Variants in DLG2 observed in about 807,000 individuals in gnomAD.
DLG2 encodes the protein discs large MAGUK scaffold protein 2, also known as disks large homolog 2.
In DLG2, 45 loss-of-function variants were observed where a neutral mutation model predicts 132.5. The ratio of observed to expected loss-of-function variants is 0.34; its 90% CI spans 0.27 to 0.44. DLG2 has a LOEUF of 0.44. DLG2 is among the 20% of genes least tolerant of loss of function. DLG2 has a pLI of 1.00. For synonymous variants in DLG2, 424 were observed against 419.6 expected, an observed-to-expected ratio of 1.01 and a Z score of -0.13; for missense variants, 1,045 against 1,196.9, an observed-to-expected ratio of 0.87 and a Z score of 1.87.
intron 4 of DLG2, among the ~76,000 whole-genome samples, chr11:85,197,895 T>C (rs908903924): frequency 6.6e-6 from 1 of 152,230 alleles, no homozygotes; most frequent in African/African-American, 2.4e-5. Context: ...GCTTCTCTAA[T>C]GTTTCCTCAG....
chr11:84,878,684 TACCAGA>T (rs2086807399), intron 6 of DLG2, among the ~76,000 whole-genome samples: 2 of 152,074 alleles, frequency 1.3e-5, no homozygotes, highest in Non-Finnish European at 2.9e-5. Context: ...TGCACATGTA[TACCAGA>T]ACTTAAAGTA....
chr11:83,555,924 T>C (rs901133784), intron 19 of DLG2, among the ~76,000 whole-genome samples: 1 of 152,242 alleles, frequency 6.6e-6, no homozygotes, highest in African/African-American at 2.4e-5. Flanking sequence ...AAATGAAAGC[T>C]TGATGGCAAT....
At chr11:83,874,678 C>A (rs957298712) in intron 15 of DLG2, among the ~76,000 whole-genome samples, 190 bp from the exon 16 acceptor site, 1 of 152,050 alleles carries the variant, frequency 6.6e-6, no homozygotes, top group Non-Finnish European at 1.5e-5. Flanking sequence ...CTAATGCTAA[C>A]CCTCCAAGAA....
At chr11:83,918,213 G>C (rs1821551144) in intron 15 of DLG2, among the ~76,000 whole-genome samples, 1 of 152,174 alleles carries the variant, frequency 6.6e-6, no homozygotes. Flanking sequence ...GCCTTTTACA[G>C]AGAATGGAAA....
At chr11:84,911,913 T>A (rs991945712) in intron 6 of DLG2, among the ~76,000 whole-genome samples, 3 of 152,132 alleles carry the variant, frequency 2.0e-5, no homozygotes, top group Admixed American at 1.3e-4. Context: ...CTGGGAGATA[T>A]ATAACTGCCG....
intron 3 of DLG2, among the ~76,000 whole-genome samples, chr11:85,350,341 TC>T (rs1386419682): frequency 6.6e-6 from 1 of 152,224 alleles, no homozygotes; most frequent in African/African-American, 2.4e-5. Flanking sequence ...GCAAAAATTT[TC>T]CCCCATTCTG....
chr11:84,380,250 A>G (rs914785289), intron 7 of DLG2, among the ~76,000 whole-genome samples: 57 of 148,888 alleles, frequency 3.8e-4, no homozygotes, highest in African/African-American at 1.3e-3. Context: ...TCTGAGTAGC[A>G]TAAGTGGGAG....
chr11:83,844,270 G>A (rs771796203), intron 16 of DLG2, among the ~76,000 whole-genome samples: 13 of 147,110 alleles, frequency 8.8e-5, no homozygotes, highest in African/African-American at 2.5e-4. Flanking sequence ...GGCCAGGCGC[G>A]GTGGCTCACG....
At chr11:83,784,037 A>G (rs1226062) in intron 18 of DLG2, among the ~76,000 whole-genome samples, 1,677 of 152,344 alleles carry the variant, frequency 0.011, 130 homozygotes, top group Admixed American at 0.1. Flanking sequence ...ACTGACAGAT[A>G]CATTTAGGAA....
intron 7 of DLG2, among the ~76,000 whole-genome samples, chr11:84,314,355 A>T (rs2098333199): frequency 6.6e-6 from 1 of 152,226 alleles, no homozygotes; most frequent in South Asian, 2.1e-4. Flanking sequence ...AGGGGTAAAA[A>T]GTAGTATCAT....
intron 7 of DLG2, among the ~76,000 whole-genome samples, chr11:84,279,205 CAT>C (rs2097824113): frequency 6.6e-6 from 1 of 152,216 alleles, no homozygotes; most frequent in South Asian, 2.1e-4. Context: ...AGCCAAAAAA[CAT>C]ATGAAAAAAG....
At chr11:84,740,688 A>T (rs1239860336) in intron 6 of DLG2, among the ~76,000 whole-genome samples, 1 of 152,138 alleles carries the variant, frequency 6.6e-6, no homozygotes, top group Non-Finnish European at 1.5e-5. Flanking sequence ...ACCCAGAATC[A>T]ACTGTGACTG....
At chr11:84,581,505 G>A (rs57257053) in intron 6 of DLG2, among the ~76,000 whole-genome samples, 15,357 of 152,194 alleles carry the variant, frequency 0.1, 791 homozygotes, top group South Asian at 0.16. Flanking sequence ...GGACAACTCT[G>A]CTAAGCTATT....
intron 7 of DLG2, among the ~76,000 whole-genome samples, chr11:84,510,204 T>G (rs946467253): frequency 2.0e-5 from 3 of 151,698 alleles, no homozygotes; most frequent in Non-Finnish European, 4.4e-5. Flanking sequence ...AAGTATTAGT[T>G]ATTATATTAT....
chr11:84,619,853 A>G (rs2099610854), intron 6 of DLG2, among the ~76,000 whole-genome samples: 1 of 151,760 alleles, frequency 6.6e-6, no homozygotes, highest in Non-Finnish European at 1.5e-5. Context: ...AAATAGAAAA[A>G]TTCAGTATCA....
chr11:84,701,124 G>A (rs2059179283), intron 6 of DLG2, among the ~76,000 whole-genome samples: 1 of 151,588 alleles, frequency 6.6e-6, no homozygotes, highest in African/African-American at 2.4e-5. Context: ...CCCAATCACA[G>A]TTGACTTAGA....
At chr11:84,091,139 T>C (rs75136972) in intron 10 of DLG2, among the ~76,000 whole-genome samples, 6,462 of 152,278 alleles carry the variant, frequency 0.042, 428 homozygotes, top group African/African-American at 0.15. Context: ...TTATATTTAT[T>C]ACACAAAGGA....
chr11:85,585,287 G>A (rs553843116), intron 3 of DLG2, among the ~76,000 whole-genome samples: 5 of 152,204 alleles, frequency 3.3e-5, no homozygotes, highest in East Asian at 1.9e-4. Context: ...GTTGTTGTTC[G>A]CTTTGTCAAA....
chr11:85,412,672 C>T (rs2152982316), intron 3 of DLG2, among the ~76,000 whole-genome samples: 1 of 150,112 alleles, frequency 6.7e-6, no homozygotes, highest in East Asian at 2.0e-4. Context: ...CCAATCTCAT[C>T]CCAGTCTCTG....
Sources: gnomAD v4.1 joint callset for allele counts (sites outside exome capture counted in the v4.1 genomes callset) on GRCh38, gnomAD v4.1.1 for gene constraint, MANE v1.5 for transcripts, NCBI Gene and HGNC (gene_info 2026-07-23, HGNC 2026-07-21) for gene names.